CPNE8: variants seen among roughly 807,000 people sequenced by gnomAD.
CPNE8 encodes the protein copine 8.
Under a neutral mutation model 81.5 loss-of-function variants are expected in CPNE8, and 45 were observed. That is an observed-to-expected ratio of 0.55 (90% CI 0.44 to 0.71). The LOEUF (loss-of-function observed/expected upper bound fraction) is 0.71. Among genes scored for constraint, CPNE8 ranks in the 30% least tolerant of loss-of-function variants. The probability of loss-of-function intolerance (pLI) is 0.00; values close to 1 mark genes in which losing one functional copy is unlikely to be tolerated. For synonymous variants in CPNE8, 252 were observed against 226.3 expected (o/e 1.11, Z -1.02); for missense variants, 594 against 672.1 (o/e 0.88, Z 1.28).
At chr12:38,684,889 G>A (rs1450424536) in intron 16 of CPNE8, among the ~76,000 whole-genome samples, 1 of 152,138 alleles carries the variant, frequency 6.6e-6, no homozygotes, top group Non-Finnish European at 1.5e-5. Flanking sequence ...ACGAAAAAAT[G>A]ATAAGTATGT....
intron 18 of CPNE8, among the ~76,000 whole-genome samples, chr12:38,673,518 A>G (rs1447181146): frequency 2.0e-5 from 3 of 152,078 alleles, no homozygotes; most frequent in Non-Finnish European, 4.4e-5. Flanking sequence ...ATGTGTTTTG[A>G]AAGGAAAAAA....
chr12:38,858,767 G>T (rs1260002241), intron 3 of CPNE8, among the ~76,000 whole-genome samples: 1 of 152,148 alleles, frequency 6.6e-6, no homozygotes, highest in East Asian at 1.9e-4. Flanking sequence ...GTTACACTAT[G>T]AGCAAATGAG....
chr12:38,861,615 T>C (rs894528502), intron 3 of CPNE8, among the ~76,000 whole-genome samples: 2 of 152,066 alleles, frequency 1.3e-5, no homozygotes, highest in African/African-American at 4.8e-5. Flanking sequence ...AAAATAAAAT[T>C]ATATTTTCAT....
chr12:38,788,142 A>G (rs1219843577), intron 6 of CPNE8, among the ~76,000 whole-genome samples: 1 of 151,944 alleles, frequency 6.6e-6, no homozygotes, highest in Non-Finnish European at 1.5e-5. Flanking sequence ...TAACAAAAGC[A>G]GACAAAGACA....
intron 19 of CPNE8, among the ~76,000 whole-genome samples, chr12:38,661,694 CACA>C (rs747810089): frequency 1.3e-5 from 2 of 152,056 alleles, no homozygotes; most frequent in East Asian, 3.9e-4. Flanking sequence ...CAGACAAGGA[CACA>C]ACAACAACAA....
chr12:38,803,396 A>T (rs1942734120), intron 6 of CPNE8, among the ~76,000 whole-genome samples: 2 of 149,364 alleles, frequency 1.3e-5, no homozygotes, highest in Non-Finnish European at 3.0e-5. Context: ...AACACAACCA[A>T]AGACAAAAAC....
chr12:38,658,516 C>A (rs893591059), intron 19 of CPNE8, among the ~76,000 whole-genome samples: 1 of 152,146 alleles, frequency 6.6e-6, no homozygotes, highest in South Asian at 2.1e-4. Flanking sequence ...CCTAGCAAGG[C>A]AAGCCAACAT....
At chr12:38,787,599 G>A (rs919957331) in intron 6 of CPNE8, among the ~76,000 whole-genome samples, 1 of 150,122 alleles carries the variant, frequency 6.7e-6, no homozygotes, top group Non-Finnish European at 1.5e-5. Flanking sequence ...AAATAATAAA[G>A]ATCAAAGCAG....
At chr12:38,771,256 T>A (rs1941794269) in intron 7 of CPNE8, among the ~76,000 whole-genome samples, 1 of 149,724 alleles carries the variant, frequency 6.7e-6, no homozygotes, top group African/African-American at 2.5e-5. Flanking sequence ...AGTCTGGGAG[T>A]TCAAGACCAG....
chr12:38,864,057 CAA>C (rs35534366), intron 3 of CPNE8, among the ~76,000 whole-genome samples: 16 of 89,864 alleles, frequency 1.8e-4, no homozygotes, highest in Admixed American at 3.6e-4. Flanking sequence ...TCATCTCTCA[CAA>C]AAAAAAAAAA....
rs2136683540 is a variant in CPNE8 at position 38,699,315 on chromosome 12, C to A, written c.961+3560G>T. On this transcript the variant is annotated intron_variant, in intron 14 of 19. Coordinates refer to ENST00000331366, the MANE Select transcript of CPNE8 (RefSeq NM_153634.3). ...AAAAGATTTCCATAAAGAAGTTGCTCTCTAATGTTCTTAGTTCACCTAATT... is the reference window on the plus strand; with the variant it reads ...AAAAGATTTCCATAAAGAAGTTGCTATCTAATGTTCTTAGTTCACCTAATT... Among the ~76,000 whole-genome samples the A allele has an allele frequency of 2.6e-5, 4 of 152,280 alleles. No individual in the cohort carries two copies. In the South Asian group the frequency reaches 8.3e-4, roughly 32 times the overall value.
chr12:38,821,273 T>C (rs1943105775), intron 6 of CPNE8, among the ~76,000 whole-genome samples: 1 of 152,176 alleles, frequency 6.6e-6, no homozygotes, highest in South Asian at 2.1e-4. Flanking sequence ...AGGAACAACT[T>C]TGCATATTCA....
At chr12:38,742,445 C>T (rs1048726619) in intron 10 of CPNE8, among the ~76,000 whole-genome samples, 3 of 150,504 alleles carry the variant, frequency 2.0e-5, no homozygotes, top group African/African-American at 4.9e-5. Context: ...AACCAAACAC[C>T]GCATGTTCTC....
chr12:38,774,107 G>A (rs924512169), intron 7 of CPNE8, among the ~76,000 whole-genome samples: 6 of 152,046 alleles, frequency 3.9e-5, no homozygotes, highest in African/African-American at 1.4e-4. Flanking sequence ...ACTAAGGCCT[G>A]GTAAAAGAAT....
intron 7 of CPNE8, among the ~76,000 whole-genome samples, chr12:38,771,941 C>T (rs1240119413): frequency 2.0e-5 from 3 of 152,154 alleles, no homozygotes; most frequent in Admixed American, 6.5e-5. Context: ...AAGCTCATAT[C>T]GAAATTTGAT....
chr12:38,675,128 C>T (rs1280342787), intron 18 of CPNE8, among the ~76,000 whole-genome samples: 1 of 152,124 alleles, frequency 6.6e-6, no homozygotes, highest in African/African-American at 2.4e-5. Flanking sequence ...CCCAGTATGC[C>T]AATTTAGCAT....
chr12:38,756,298 A>AATACTCT (rs1941457500), intron 10 of CPNE8, among the ~76,000 whole-genome samples: 1 of 151,930 alleles, frequency 6.6e-6, no homozygotes, highest in Non-Finnish European at 1.5e-5. Context: ...AATTGTCTGA[A>AATACTCT]ATACTCTAGC....
intron 19 of CPNE8, among the ~76,000 whole-genome samples, chr12:38,657,558 G>A (rs952964727): frequency 1.3e-5 from 2 of 152,268 alleles, no homozygotes; most frequent in East Asian, 3.9e-4. Flanking sequence ...CTCTGAGAAC[G>A]AACAGACTGC....
intron 6 of CPNE8, among the ~76,000 whole-genome samples, chr12:38,795,040 C>A (rs1348627649): frequency 6.6e-6 from 1 of 152,200 alleles, no homozygotes; most frequent in Admixed American, 6.5e-5. Context: ...TATGAGACCC[C>A]AAGTTCTTCA....
Sources: gnomAD v4.1 joint callset for allele counts (sites outside exome capture counted in the v4.1 genomes callset) on GRCh38, gnomAD v4.1.1 for gene constraint, MANE v1.5 for transcripts, NCBI Gene and HGNC (gene_info 2026-07-23, HGNC 2026-07-21) for gene names.